FLRT1: variants seen among roughly 807,000 people sequenced by gnomAD.
FLRT1 encodes the protein leucine-rich repeat transmembrane protein FLRT1.
In FLRT1, 14 loss-of-function variants were observed where a neutral mutation model predicts 30.9. The ratio of observed to expected loss-of-function variants is 0.45; its 90% confidence interval spans 0.30 to 0.71. FLRT1 has a LOEUF of 0.71. Ranked by LOEUF, FLRT1 falls within the 30% of genes least tolerant of loss-of-function variation. FLRT1 has a pLI of 0.08. For missense variants in FLRT1, 737 were observed against 949.2 expected (o/e 0.78, Z 2.94); for synonymous variants, 368 against 430.4 (o/e 0.85, Z 1.80).
chr11:64,074,455 C>T (rs750876209), intron 1 of FLRT1, among the ~76,000 whole-genome samples: 10 of 152,104 alleles, frequency 6.6e-5, no homozygotes, highest in African/African-American at 1.2e-4. Context: ...TAGGAACAGC[C>T]GTGGGAGGGA....
At chr11:64,087,169 G>A (rs761881297) in intron 1 of FLRT1, 5 of 152,176 alleles carry the variant, frequency 3.3e-5, no homozygotes, top group African/African-American at 7.2e-5. Flanking sequence ...AATAAATGAC[G>A]GCACGGTTCA....
intron 2 of FLRT1, among the ~76,000 whole-genome samples, chr11:64,110,428 T>C (rs1438994555): frequency 6.8e-6 from 1 of 147,068 alleles, no homozygotes; most frequent in Non-Finnish European, 1.5e-5. Context: ...CCAGACTGGG[T>C]GACAGAGCGA....
intron 2 of FLRT1, among the ~76,000 whole-genome samples, chr11:64,108,975 G>A (rs1309600029): frequency 6.6e-6 from 1 of 152,190 alleles, no homozygotes; most frequent in South Asian, 2.1e-4. Context: ...AGGGGCAAGT[G>A]GGGGTGGGGG....
intron 1 of FLRT1, among the ~76,000 whole-genome samples, chr11:64,101,602 CAT>C (rs1018590507): frequency 5.3e-5 from 8 of 152,274 alleles, no homozygotes; most frequent in African/African-American, 1.9e-4. Flanking sequence ...GGACTTTTTC[CAT>C]CTCTCGCTTT....
chr11:64,050,763 C>T (rs1590840383), intron 1 of FLRT1, among the ~76,000 whole-genome samples: 2 of 152,224 alleles, frequency 1.3e-5, no homozygotes, highest in Admixed American at 6.5e-5. Context: ...GGATTACAGG[C>T]GCATGCCATA....
intron 1 of FLRT1, among the ~76,000 whole-genome samples, chr11:64,075,085 T>C (rs370278993): frequency 3.9e-4 from 59 of 152,374 alleles, no homozygotes; most frequent in Middle Eastern, 3.4e-3. Flanking sequence ...TGGGCTCCAC[T>C]GTGGCTTCAG....
intron 1 of FLRT1, among the ~76,000 whole-genome samples, chr11:64,085,157 G>T (rs1243158554): frequency 1.3e-5 from 2 of 152,222 alleles, no homozygotes; most frequent in Non-Finnish European, 2.9e-5. Context: ...AGAGGATGGG[G>T]CTTGAGGGCA....
intron 2 of FLRT1, among the ~76,000 whole-genome samples, chr11:64,112,350 T>C (rs1944878138): frequency 6.6e-6 from 1 of 151,980 alleles, no homozygotes; most frequent in Non-Finnish European, 1.5e-5. Context: ...CCGTCTCTAC[T>C]AAAAATACAA....
At chr11:64,057,583 C>T (rs1458036619) in intron 1 of FLRT1, among the ~76,000 whole-genome samples, 2 of 152,174 alleles carry the variant, frequency 1.3e-5, no homozygotes, top group Non-Finnish European at 2.9e-5. Flanking sequence ...CTGAGGCCAT[C>T]TGGCTGGTCA....
chr11:64,049,061 T>C (rs1476383122), intron 1 of FLRT1, among the ~76,000 whole-genome samples: 1 of 139,740 alleles, frequency 7.2e-6, no homozygotes, highest in East Asian at 2.6e-4. Context: ...ATATTTGTCC[T>C]TCAGGGGGTG....
Position 64,036,119 on chromosome 11 carries a change from A to G in FLRT1, c.-1078A>G, listed in dbSNP as rs1485078221. On this transcript the variant is annotated 5_prime_UTR_variant, in exon 1 of 3. Coordinates refer to ENST00000682287, the MANE Select transcript of FLRT1 (RefSeq NM_013280.5). The surrounding 1 kb of genome is among the most constrained non-coding windows in gnomAD (Gnocchi z 5.6). Reference sequence around the variant, plus strand: ...CCCCTGAGGCTCCAGCCGTCACCGCAAAGTTTCCCGAGGAGACCCGCCTCC... The same window carrying G: ...CCCCTGAGGCTCCAGCCGTCACCGCGAAGTTTCCCGAGGAGACCCGCCTCC... 5.9e-5 allele frequency: 9 copies of G among 151,532 alleles called. No individual in the cohort carries two copies. The highest frequency in any genetic ancestry group is 2.0e-4 in the Admixed American group (3 of 15,240). The allele number at this position is 151,532 out of a possible 1,614,324, so 9.4% of individuals were successfully genotyped here. A position where few individuals can be genotyped will look rare whatever the true frequency, so the allele number is the denominator to read the frequency against.
At chr11:64,088,215 T>G (rs528984475) in intron 1 of FLRT1, among the ~76,000 whole-genome samples, 1 of 151,682 alleles carries the variant, frequency 6.6e-6, no homozygotes, top group Non-Finnish European at 1.5e-5. Context: ...GGTGGGGAGG[T>G]TGGTAAAAGT....
intron 1 of FLRT1, among the ~76,000 whole-genome samples, chr11:64,037,632 G>C (rs1024257319): frequency 6.6e-6 from 1 of 152,136 alleles, no homozygotes; most frequent in Non-Finnish European, 1.5e-5. Context: ...CTGAAGGGTC[G>C]GCCATGGGCA....
chr11:64,039,708 T>C (rs1192447918), intron 1 of FLRT1, among the ~76,000 whole-genome samples: 2 of 152,192 alleles, frequency 1.3e-5, no homozygotes, highest in African/African-American at 4.8e-5. Context: ...TGTGTTTGCC[T>C]GTTTACCATC....
At chr11:64,069,723 C>T (rs912475668) in intron 1 of FLRT1, among the ~76,000 whole-genome samples, 2 of 152,178 alleles carry the variant, frequency 1.3e-5, no homozygotes, top group African/African-American at 2.4e-5. Flanking sequence ...GTGACACCCC[C>T]GGGCCCGGCC....
chr11:64,116,032 G>A (rs1284686153), intron 2 of FLRT1, among the ~76,000 whole-genome samples, 187 bp from the exon 3 acceptor site: 3 of 152,196 alleles, frequency 2.0e-5, no homozygotes, highest in African/African-American at 4.8e-5. Flanking sequence ...GTCCGACCTC[G>A]GCGGGAGCAA....
intron 1 of FLRT1, among the ~76,000 whole-genome samples, chr11:64,098,904 T>C (rs1320405346): frequency 6.6e-6 from 1 of 152,138 alleles, no homozygotes; most frequent in East Asian, 1.9e-4. Context: ...TACATAAAAA[T>C]CCATCCCAAA....
chr11:64,071,164 C>A (rs1944101608), intron 1 of FLRT1, among the ~76,000 whole-genome samples: 1 of 152,056 alleles, frequency 6.6e-6, no homozygotes, highest in African/African-American at 2.4e-5. Flanking sequence ...CTCAAAATAA[C>A]CTCCTCTAAG....
intron 1 of FLRT1, among the ~76,000 whole-genome samples, chr11:64,088,224 G>A (rs1003628929): frequency 7.2e-5 from 11 of 152,188 alleles, no homozygotes. Context: ...GTTGGTAAAA[G>A]TCGCTGCCTC....
Sources: allele counts gnomAD v4.1 joint callset (sites outside exome capture counted in the v4.1 genomes callset), GRCh38; gene constraint gnomAD v4.1.1; non-coding constraint Gnocchi (gnomAD v3.1); transcripts MANE v1.5; gene names NCBI Gene and HGNC (gene_info 2026-07-23, HGNC 2026-07-21).